The following MAP2K5 variants were observed in gnomAD, a reference collection of about 807,000 sequenced individuals.
The protein encoded by MAP2K5 is dual specificity mitogen-activated protein kinase kinase 5.
In MAP2K5, 49 loss-of-function variants were observed where a neutral mutation model predicts 83.1. The observed-to-expected ratio is 0.59, with a 90% CI of 0.47 to 0.75. The LOEUF (loss-of-function observed/expected upper bound fraction) is 0.75. Ranked by LOEUF, MAP2K5 falls within the 30% of genes least tolerant of loss-of-function variation. The probability of loss-of-function intolerance (pLI) is 0.00; values close to 1 mark genes in which losing one functional copy is unlikely to be tolerated. For missense variants in MAP2K5, 457 were observed against 557.5 expected, an observed-to-expected ratio of 0.82 and a Z score of 1.82; for synonymous variants, 202 against 191.8, an observed-to-expected ratio of 1.05 and a Z score of -0.44.
At chr15:67,574,821 C>A (rs761768890) in intron 3 of MAP2K5, among the ~76,000 whole-genome samples, 1 of 152,016 alleles carries the variant, frequency 6.6e-6, no homozygotes, top group Non-Finnish European at 1.5e-5. Flanking sequence ...GAGCCGAGAT[C>A]GTACCGCTGC....
intron 13 of MAP2K5, 127 bp downstream of exon 13, chr15:67,664,772 G>T: frequency 1.8e-6 from 1 of 557,848 alleles, no homozygotes. Context: ...CAAAAAGATG[G>T]CTGCTCTATA....
At chr15:67,622,714 T>C (rs955715516) in intron 8 of MAP2K5, among the ~76,000 whole-genome samples, 2 of 152,170 alleles carry the variant, frequency 1.3e-5, no homozygotes, top group Admixed American at 6.5e-5. Context: ...GACACATAAA[T>C]ACTTTTCTGT....
intron 21 of MAP2K5, among the ~76,000 whole-genome samples, chr15:67,796,086 A>T (rs947917475): frequency 6.6e-6 from 1 of 152,124 alleles, no homozygotes; most frequent in African/African-American, 2.4e-5. Context: ...GCTCTTTTAC[A>T]TGAATCTCTG....
chr15:67,595,976 CTT>C lies in MAP2K5; in HGVS notation c.480+3014_480+3015del, dbSNP rs11335365. Among the ~76,000 whole-genome samples, 775 of 144,790 alleles carry C rather than the reference CTT, an allele frequency of 5.4e-3. 6 individuals are homozygous for C. The highest frequency in any genetic ancestry group is 0.016 in the African/African-American group (635 of 39,696). 95.0% of individuals were successfully genotyped at this position (144,790 alleles called of 152,430 possible). ...CTTTGCATCTCTAAAGTTATTTTTT[CTT>C]TTTTTTTTTTTGTTTTTTAGATTTT... On this transcript the variant is annotated intron_variant, in intron 7 of 21. Coordinates refer to ENST00000178640, the MANE Select transcript of MAP2K5 (RefSeq NM_145160.3).
chr15:67,734,184 A>G (rs55993790), intron 17 of MAP2K5, among the ~76,000 whole-genome samples: 58,528 of 152,064 alleles, frequency 0.38, 13,175 homozygotes, highest in Non-Finnish European at 0.52. Flanking sequence ...TTGCTAAATA[A>G]TTGGGTAGTT....
chr15:67,798,022 A>G (rs2090635105), intron 21 of MAP2K5, among the ~76,000 whole-genome samples: 1 of 152,192 alleles, frequency 6.6e-6, no homozygotes, highest in African/African-American at 2.4e-5. Context: ...AAAGCAGAGG[A>G]CAAGGGAGAA....
In MAP2K5 at chr15:67,769,715, T is replaced by A. The variant is rs533662567; in HGVS notation, c.1196+52T>A. The A allele has an allele frequency of 3.2e-6, 5 of 1,577,098 alleles. No homozygotes were observed. The East Asian group carries it at 1.1e-4, about 35-fold the overall frequency. ...CCCTCAATGTAAATGATACATGCCA[T>A]TAACTCGGCAGCTCCGTGAGACCTT... is the stretch of plus-strand genomic sequence containing the variant. On this transcript the variant is annotated intron_variant, in intron 20 of 21. Coordinates refer to ENST00000178640, the MANE Select transcript of MAP2K5 (RefSeq NM_145160.3). The surrounding 1 kb of genome is among the most constrained non-coding windows in gnomAD (Gnocchi z 5.2).
In MAP2K5 at chr15:67,786,367, T is replaced by C. The variant is rs912460893; in HGVS notation, c.1242+13615T>C. Among the ~76,000 whole-genome samples, 1 of 152,210 alleles carries C rather than the reference T, an allele frequency of 6.6e-6. No homozygotes were observed. Among genetic ancestry groups the C allele is most frequent in the Admixed American group, 6.5e-5 (1 of 15,284 alleles). ...AACTTTTCATGTCTGTCCTTTATTA[T>C]TGGTAAAATGTAATGAGCATCTTGT... On this transcript the variant is annotated intron_variant, in intron 21 of 21. Coordinates refer to ENST00000178640, the MANE Select transcript of MAP2K5 (RefSeq NM_145160.3). This position sits in a 1 kb window ranked among gnomAD's most constrained non-coding sequence, Gnocchi z 4.7.
chr15:67,799,299 C>G (rs2090661318), intron 21 of MAP2K5, among the ~76,000 whole-genome samples: 1 of 152,272 alleles, frequency 6.6e-6, no homozygotes. Flanking sequence ...CAGGAAGACT[C>G]CACATCTTTG....
At chr15:67,591,878 G>A (rs36017038) in intron 6 of MAP2K5, among the ~76,000 whole-genome samples, 4 of 151,800 alleles carry the variant, frequency 2.6e-5, no homozygotes, top group Non-Finnish European at 2.9e-5. Context: ...TTGGGAGGCC[G>A]AGGCGGGCAG....
Position 67,565,988 on chromosome 15 carries a change from AG to A in MAP2K5, c.252+2640del, listed in dbSNP as rs2084830195. Among the ~76,000 whole-genome samples, 1 of 152,146 alleles carries A rather than the reference AG, an allele frequency of 6.6e-6. No individual in the cohort carries two copies. ...AACCATTTGGACGTAACCTTACAGT[AG>A]GTTTTGATTGGTAGTCCTCATGATT... On this transcript the variant is annotated intron_variant, in intron 3 of 21. Coordinates refer to ENST00000178640, the MANE Select transcript of MAP2K5 (RefSeq NM_145160.3). This position sits in a 1 kb window ranked among gnomAD's most constrained non-coding sequence, Gnocchi z 4.1.
chr15:67,792,900 A>AACTTT (rs1424937528), intron 21 of MAP2K5, among the ~76,000 whole-genome samples: 1 of 152,216 alleles, frequency 6.6e-6, no homozygotes, highest in Non-Finnish European at 1.5e-5. Flanking sequence ...CTTCATGGCA[A>AACTTT]ACTTTACAGA....
In MAP2K5 at chr15:67,785,657, G is replaced by T. The variant is rs1257347904; in HGVS notation, c.1242+12905G>T. On this transcript the variant is annotated intron_variant, in intron 21 of 21. Transcript: ENST00000178640. The surrounding 1 kb of genome is among the most constrained non-coding windows in gnomAD (Gnocchi z 4.4). ...GTGCTGGAGGTGTGGAGGCAGCAGG[G>T]GACCTGGCATGGAGCCATGACCTCG... 6.6e-6 allele frequency among the ~76,000 whole-genome samples: 1 copy of T among 152,164 alleles called. No homozygotes were observed. The highest frequency in any genetic ancestry group is 1.5e-5 in the Non-Finnish European group (1 of 68,026).
intron 16 of MAP2K5, among the ~76,000 whole-genome samples, chr15:67,714,407 T>A (rs1380771127): frequency 1.3e-5 from 1 of 76,292 alleles, no homozygotes; most frequent in African/African-American, 5.5e-5. Flanking sequence ...CCTACCCAGC[T>A]GCCAGGGAAA....
chr15:67,779,629 A>G lies in MAP2K5; in HGVS notation c.1242+6877A>G, dbSNP rs1298506912. On this transcript the variant is annotated intron_variant, in intron 21 of 21. Coordinates refer to ENST00000178640, the MANE Select transcript of MAP2K5 (RefSeq NM_145160.3). The surrounding 1 kb of genome is among the most constrained non-coding windows in gnomAD (Gnocchi z 4.6). Reference sequence around the variant, plus strand: ...CAGTTAAGCATAGCTTTTTTCCTCCATCAGTCAAGTCAGATCTCTTAGTAT... The same window carrying G: ...CAGTTAAGCATAGCTTTTTTCCTCCGTCAGTCAAGTCAGATCTCTTAGTAT... Among the ~76,000 whole-genome samples, 2 of 152,216 alleles carry G rather than the reference A, an allele frequency of 1.3e-5. No homozygotes were observed. The highest frequency in any genetic ancestry group is 6.5e-5 in the Admixed American group (1 of 15,274).
intron 21 of MAP2K5, among the ~76,000 whole-genome samples, chr15:67,792,052 C>A (rs1362862979): frequency 2.0e-5 from 3 of 152,178 alleles, no homozygotes; most frequent in Non-Finnish European, 4.4e-5. Context: ...TGCTCACCTG[C>A]ATTGGTGAGA....
At chr15:67,584,652 A>G (rs534693328) in intron 4 of MAP2K5, among the ~76,000 whole-genome samples, 63 of 147,876 alleles carry the variant, frequency 4.3e-4, no homozygotes, top group Middle Eastern at 3.5e-3. Context: ...GTGTTTTGTA[A>G]TTATTACCCA....
In MAP2K5 at chr15:67,757,476, C is replaced by G. The variant is rs886510804; in HGVS notation, c.1134+8875C>G. Among the ~76,000 whole-genome samples, 1 of 152,152 alleles carries G rather than the reference C, an allele frequency of 6.6e-6. No homozygotes were observed. Among genetic ancestry groups the G allele is most frequent in the Non-Finnish European group, 1.5e-5 (1 of 68,030 alleles). On this transcript the variant is annotated intron_variant, in intron 19 of 21. Transcript: ENST00000178640. The surrounding 1 kb of genome is among the most constrained non-coding windows in gnomAD (Gnocchi z 4.9). Reference sequence around the variant, plus strand: ...GAGATTCAGATCTCCACCCCCTTTCCCACACACCTGCATAAAAGAACTGAG... The same window carrying G: ...GAGATTCAGATCTCCACCCCCTTTCGCACACACCTGCATAAAAGAACTGAG...
rs1376762627 is a variant in MAP2K5, at chr15:67,749,585, AAC to A, written c.1134+996_1134+997del. Among the ~76,000 whole-genome samples the A allele has an allele frequency of 6.6e-6, 1 of 152,080 alleles. No individual in the cohort carries two copies. The highest frequency in any genetic ancestry group is 1.9e-4 in the East Asian group (1 of 5,192). ...TAAAGATCCTCCTAGGAAAAAAATA[AAC>A]ACACACACACATATCACAATAATAG... On this transcript the variant is annotated intron_variant, in intron 19 of 21. Transcript: ENST00000178640. This position sits in a 1 kb window ranked among gnomAD's most constrained non-coding sequence, Gnocchi z 4.6.
Sources: allele counts gnomAD v4.1 joint callset (sites outside exome capture counted in the v4.1 genomes callset), GRCh38; gene constraint gnomAD v4.1.1; non-coding constraint Gnocchi (gnomAD v3.1); transcripts MANE v1.5; gene names NCBI Gene and HGNC (gene_info 2026-07-23, HGNC 2026-07-21).